The following NPAS3 variants were observed in gnomAD, a reference collection of about 807,000 sequenced individuals.
NPAS3 encodes the protein neuronal PAS domain-containing protein 3.
In NPAS3, 14 loss-of-function variants were observed where a neutral mutation model predicts 73.1. The observed-to-expected ratio is 0.19, with a 90% CI of 0.13 to 0.30. The LOEUF (loss-of-function observed/expected upper bound fraction) is 0.30, where lower values mean the gene tolerates loss of function less well. Among genes scored for constraint, NPAS3 ranks in the 10% least tolerant of loss-of-function variants. The pLI is 1.00. For missense variants in NPAS3, 1,096 were observed against 1,250.0 expected (o/e 0.88, Z 1.86); for synonymous variants, 620 against 541.5 (o/e 1.14, Z -2.01).
At chr14:33,784,750 T>TTA (rs1555333514) in intron 9 of NPAS3, among the ~76,000 whole-genome samples, 1 of 123,058 alleles carries the variant, frequency 8.1e-6, no homozygotes, top group African/African-American at 3.4e-5. Context: ...TATTTATTTT[T>TTA]TTTTTTTTTT....
chr14:33,241,288 G>A (rs752664216), intron 3 of NPAS3, among the ~76,000 whole-genome samples: 1 of 151,936 alleles, frequency 6.6e-6, no homozygotes, highest in Non-Finnish European at 1.5e-5. Flanking sequence ...TAAATGTAAT[G>A]TGTGAGATAT....
chr14:33,259,665 T>G (rs1171771689), intron 3 of NPAS3, among the ~76,000 whole-genome samples: 1 of 152,132 alleles, frequency 6.6e-6, no homozygotes, highest in African/African-American at 2.4e-5. Flanking sequence ...CATTTTATTT[T>G]TAAAGGGAAG....
At chr14:33,119,945 A>G (rs545817672) in intron 2 of NPAS3, among the ~76,000 whole-genome samples, 1 of 152,190 alleles carries the variant, frequency 6.6e-6, no homozygotes, top group East Asian at 1.9e-4. Flanking sequence ...TAACATTAAA[A>G]CTGCATTGCT....
rs1213906131 is a variant in NPAS3, at chr14:33,800,005, C to T, written c.1698C>T (p.Asp566=). ...AGCGCTACGTGGAGAGCGAGTCGGACCTGCGGCTGCAGAACTGCGAGTCAC... is the reference window on the plus strand; with the variant it reads ...AGCGCTACGTGGAGAGCGAGTCGGATCTGCGGCTGCAGAACTGCGAGTCAC... Residue 566 remains aspartate (D), a synonymous_variant, in exon 12 of 12, where the codon GAC becomes GAT. Coordinates refer to ENST00000356141, the Ensembl canonical transcript of NPAS3. This position sits in a 1 kb window ranked among gnomAD's most constrained non-coding sequence, Gnocchi z 6.5. 1.9e-6 allele frequency: 3 copies of T among 1,612,412 alleles called. No homozygotes were observed. Among genetic ancestry groups the T allele is most frequent in the East Asian group, 4.5e-5 (2 of 44,884 alleles).
At chr14:33,298,248 G>C (rs1001598754) in intron 3 of NPAS3, among the ~76,000 whole-genome samples, 1 of 152,108 alleles carries the variant, frequency 6.6e-6, no homozygotes, top group East Asian at 1.9e-4. Flanking sequence ...GTACCACCGC[G>C]CTCCAGCCTG....
chr14:33,620,367 T>A (rs2058043912), intron 5 of NPAS3, among the ~76,000 whole-genome samples: 1 of 152,180 alleles, frequency 6.6e-6, no homozygotes, highest in Non-Finnish European at 1.5e-5. Flanking sequence ...ACAACAGAAT[T>A]CTATTATGAA....
At chr14:33,437,946 G>T (rs1300829855) in intron 4 of NPAS3, among the ~76,000 whole-genome samples, 1 of 152,112 alleles carries the variant, frequency 6.6e-6, no homozygotes, top group Non-Finnish European at 1.5e-5. Context: ...AGCATTGTCT[G>T]TTTATAGTTG....
At chr14:33,605,570 G>A (rs567377451) in intron 5 of NPAS3, among the ~76,000 whole-genome samples, 6 of 151,976 alleles carry the variant, frequency 3.9e-5, no homozygotes, top group African/African-American at 1.4e-4. Context: ...CAAAAATCAA[G>A]TATATTTTTA....
intron 1 of NPAS3, among the ~76,000 whole-genome samples, chr14:33,005,420 G>A (rs909558243): frequency 5.3e-5 from 8 of 152,124 alleles, no homozygotes; most frequent in African/African-American, 1.9e-4. Context: ...TGTATACTTT[G>A]TTGGGAGCAC....
intron 1 of NPAS3, among the ~76,000 whole-genome samples, chr14:32,988,246 C>T (rs1020052077): frequency 2.6e-5 from 4 of 152,074 alleles, no homozygotes; most frequent in Admixed American, 2.0e-4. Context: ...AATCTTGTAA[C>T]TGAAAAAATG....
At chr14:33,795,551 C>T (rs563174026) in intron 10 of NPAS3, among the ~76,000 whole-genome samples, 4 of 152,178 alleles carry the variant, frequency 2.6e-5, no homozygotes, top group Non-Finnish European at 5.9e-5. Context: ...CAAGGAGACC[C>T]ATCACCAGTA....
intron 2 of NPAS3, among the ~76,000 whole-genome samples, chr14:33,068,405 T>C (rs774156154): frequency 6.6e-6 from 1 of 152,212 alleles, no homozygotes; most frequent in Non-Finnish European, 1.5e-5. Context: ...TTGTAAAGTC[T>C]TTCTAACCTT....
chr14:33,654,730 C>A (rs2059094865), intron 5 of NPAS3, among the ~76,000 whole-genome samples: 1 of 152,272 alleles, frequency 6.6e-6, no homozygotes, highest in Admixed American at 6.5e-5. Flanking sequence ...CAAGTGATTT[C>A]TATGGGGCTT....
intron 2 of NPAS3, among the ~76,000 whole-genome samples, chr14:33,167,172 C>T (rs2045193179): frequency 6.6e-6 from 1 of 152,192 alleles, no homozygotes; most frequent in Admixed American, 6.5e-5. Context: ...AAAGTTCAGA[C>T]TTTGTTTATT....
chr14:33,120,732 C>T (rs1958017), intron 2 of NPAS3, among the ~76,000 whole-genome samples: 45,208 of 151,756 alleles, frequency 0.3, 7,222 homozygotes, highest in Non-Finnish European at 0.36. Context: ...ACAAGATGCC[C>T]GGATGATTCC....
intron 2 of NPAS3, among the ~76,000 whole-genome samples, chr14:33,172,570 T>G (rs2139386734): frequency 6.6e-6 from 1 of 152,110 alleles, no homozygotes; most frequent in South Asian, 2.1e-4. Flanking sequence ...AACCCATCTC[T>G]ACAAAAAATA....
intron 2 of NPAS3, among the ~76,000 whole-genome samples, chr14:33,180,378 A>G (rs2045747692): frequency 6.6e-6 from 1 of 152,152 alleles, no homozygotes; most frequent in Non-Finnish European, 1.5e-5. Flanking sequence ...TAAATAAGAG[A>G]AGAAGGAAAG....
chr14:33,604,928 A>C (rs1046114233), intron 5 of NPAS3, among the ~76,000 whole-genome samples: 1 of 152,146 alleles, frequency 6.6e-6, no homozygotes, highest in East Asian at 1.9e-4. Flanking sequence ...AAAACGTATC[A>C]GAATTTGCAG....
chr14:33,575,531 T>C lies in NPAS3; in HGVS notation c.558+15321T>C, dbSNP rs78014333. The stretch of plus-strand genomic sequence containing the variant: ...GCTCCCACATTCCTTTTCTGCCTCA[T>C]TTGTGTCTTTGTACTATCAGAACAT... On this transcript the variant is annotated intron_variant, in intron 5 of 11. Transcript: ENST00000356141. Among the ~76,000 whole-genome samples, 1,182 of 152,276 alleles carry C rather than the reference T, an allele frequency of 7.8e-3. 68 individuals carry two copies. The East Asian group carries it at 0.16, about 21-fold the overall frequency.
Sources: allele counts gnomAD v4.1 joint callset (sites outside exome capture counted in the v4.1 genomes callset), GRCh38; gene constraint gnomAD v4.1.1; non-coding constraint Gnocchi (gnomAD v3.1); transcripts MANE v1.5; gene names NCBI Gene and HGNC (gene_info 2026-07-23, HGNC 2026-07-21).